MIPOL1: variants seen among roughly 807,000 people sequenced by gnomAD.
MIPOL1 encodes the protein mirror-image polydactyly gene 1 protein.
Under a neutral mutation model 60.9 loss-of-function variants are expected in MIPOL1, and 57 were observed. The observed-to-expected ratio is 0.94, with a 90% confidence interval of 0.76 to 1.17. The LOEUF is 1.17. Ranked by LOEUF, MIPOL1 falls within the 50% of genes most tolerant of loss-of-function variation. The pLI, the probability that MIPOL1 is intolerant of heterozygous loss-of-function variation, is 0.00. For missense variants in MIPOL1, 551 were observed against 511.6 expected, an observed-to-expected ratio of 1.08 and a Z score of -0.74; for synonymous variants, 179 against 168.8, an observed-to-expected ratio of 1.06 and a Z score of -0.47.
At chr14:37,236,399 C>G (rs529390196) in intron 1 of MIPOL1, among the ~76,000 whole-genome samples, 4 of 151,876 alleles carry the variant, frequency 2.6e-5, no homozygotes, top group Non-Finnish European at 5.9e-5. Context: ...CTTTTTTTGT[C>G]TATTGAAGGC....
intron 1 of MIPOL1, among the ~76,000 whole-genome samples, chr14:37,216,995 G>A (rs555320963): frequency 6.6e-6 from 1 of 152,042 alleles, no homozygotes; most frequent in African/African-American, 2.4e-5. Context: ...ATGGCTTTTT[G>A]AAAAGTTAAA....
intron 11 of MIPOL1, among the ~76,000 whole-genome samples, chr14:37,423,290 A>C (rs1170873384): frequency 6.7e-6 from 1 of 149,702 alleles, no homozygotes; most frequent in Non-Finnish European, 1.5e-5. Flanking sequence ...ATATACATAC[A>C]TTTATACTTA....
chr14:37,497,886 CTATTA>C (rs2095156542), intron 11 of MIPOL1, among the ~76,000 whole-genome samples: 1 of 152,178 alleles, frequency 6.6e-6, no homozygotes, highest in African/African-American at 2.4e-5. Context: ...AAATCAGCAT[CTATTA>C]TCATTGTACT....
intron 11 of MIPOL1, among the ~76,000 whole-genome samples, chr14:37,473,840 A>G (rs1391769660): frequency 6.7e-6 from 1 of 149,876 alleles, no homozygotes; most frequent in Non-Finnish European, 1.5e-5. Context: ...TTACAGTATC[A>G]TAGAGAGTTT....
chr14:37,408,868 A>G (rs1437002826), intron 10 of MIPOL1, among the ~76,000 whole-genome samples: 2 of 152,166 alleles, frequency 1.3e-5, no homozygotes, highest in Non-Finnish European at 2.9e-5. Context: ...TGCTGGTTTC[A>G]CAAAAAGTAG....
At chr14:37,466,546 C>T (rs999643911) in intron 11 of MIPOL1, among the ~76,000 whole-genome samples, 4 of 152,072 alleles carry the variant, frequency 2.6e-5, no homozygotes, top group African/African-American at 9.7e-5. Flanking sequence ...GTTTAGTGCA[C>T]CAAATTTCAC....
At chr14:37,458,754 G>A (rs1234094033) in intron 11 of MIPOL1, among the ~76,000 whole-genome samples, 1 of 152,042 alleles carries the variant, frequency 6.6e-6, no homozygotes, top group Non-Finnish European at 1.5e-5. Context: ...AGGACGCTGA[G>A]GCAGGAGAAT....
intron 3 of MIPOL1, among the ~76,000 whole-genome samples, chr14:37,255,768 GATA>G (rs1318964701): frequency 6.6e-6 from 1 of 151,790 alleles, no homozygotes; most frequent in African/African-American, 2.4e-5. Flanking sequence ...GGATGAAATT[GATA>G]ATACTTTGCC....
intron 7 of MIPOL1, among the ~76,000 whole-genome samples, chr14:37,296,454 C>G (rs567830089): frequency 1.8e-4 from 27 of 152,210 alleles, no homozygotes; most frequent in South Asian, 1.0e-3. Flanking sequence ...TAACTAAGAT[C>G]AGAGCAGAAC....
intron 9 of MIPOL1, among the ~76,000 whole-genome samples, chr14:37,359,567 A>G (rs1021019528): frequency 7.3e-5 from 11 of 151,660 alleles, no homozygotes; most frequent in African/African-American, 2.7e-4. Context: ...TGTAAGTTGT[A>G]TTCCTAGGTA....
intron 1 of MIPOL1, among the ~76,000 whole-genome samples, chr14:37,238,404 A>T (rs1567108197): frequency 1.3e-5 from 2 of 152,138 alleles, no homozygotes; most frequent in Non-Finnish European, 2.9e-5. Flanking sequence ...TCACCCCAGG[A>T]TAATACTTAT....
At chr14:37,434,981 T>A (rs887686634) in intron 11 of MIPOL1, among the ~76,000 whole-genome samples, 3 of 152,100 alleles carry the variant, frequency 2.0e-5, no homozygotes, top group African/African-American at 7.2e-5. Context: ...AACAATTGAC[T>A]AGGGCCAGGT....
intron 11 of MIPOL1, among the ~76,000 whole-genome samples, chr14:37,485,859 G>A (rs987578673): frequency 2.6e-5 from 4 of 152,006 alleles, no homozygotes; most frequent in African/African-American, 9.7e-5. Context: ...GTCAATTTTG[G>A]CTTTTGTTGC....
intron 9 of MIPOL1, among the ~76,000 whole-genome samples, chr14:37,363,578 C>T (rs1182062440): frequency 6.6e-6 from 1 of 152,202 alleles, no homozygotes; most frequent in Non-Finnish European, 1.5e-5. Flanking sequence ...AGTTAGGCTA[C>T]ATGATTGTCA....
chr14:37,496,053 G>A (rs990137771), intron 11 of MIPOL1, among the ~76,000 whole-genome samples: 14 of 151,868 alleles, frequency 9.2e-5, no homozygotes, highest in Non-Finnish European at 1.5e-4. Context: ...AGTAGGTTGT[G>A]AAAATTTTAT....
At chr14:37,341,580 CTGTT>C (rs2090576637) in intron 9 of MIPOL1, among the ~76,000 whole-genome samples, 1 of 152,102 alleles carries the variant, frequency 6.6e-6, no homozygotes, top group Non-Finnish European at 1.5e-5. Flanking sequence ...ATCTGTATCT[CTGTT>C]TGTTCAAAGT....
intron 9 of MIPOL1, among the ~76,000 whole-genome samples, chr14:37,356,933 C>A (rs374556810): frequency 6.6e-6 from 1 of 152,124 alleles, no homozygotes; most frequent in Non-Finnish European, 1.5e-5. Flanking sequence ...GCTCCTCCCC[C>A]CAGGATCTCA....
chr14:37,500,232 T>C, intron 12 of MIPOL1, 94 bp downstream of exon 12: 1 of 867,182 alleles, frequency 1.2e-6, no homozygotes, highest in East Asian at 2.6e-5. Flanking sequence ...TTATTGATCA[T>C]GTTAATAGTT....
intron 3 of MIPOL1, 25 bp from the exon 4 acceptor site, chr14:37,266,913 G>A: frequency 1.4e-6 from 2 of 1,451,676 alleles, no homozygotes; most frequent in Non-Finnish European, 9.6e-7. Flanking sequence ...AATATATCAT[G>A]TGTTATTTGT....
Sources: gnomAD v4.1 joint callset for allele counts (sites outside exome capture counted in the v4.1 genomes callset) on GRCh38, gnomAD v4.1.1 for gene constraint, MANE v1.5 for transcripts, NCBI Gene and HGNC (gene_info 2026-07-23, HGNC 2026-07-21) for gene names.